CEP85L: variants seen among roughly 807,000 people sequenced by gnomAD.
CEP85L encodes the protein centrosomal protein 85L, also known as centrosomal protein of 85 kDa-like.
CEP85L carries 60 observed loss-of-function variants against 100.3 expected under a neutral mutation model. The ratio of observed to expected loss-of-function variants is 0.60; its 90% CI spans 0.49 to 0.74. The LOEUF (loss-of-function observed/expected upper bound fraction) is 0.74. CEP85L is among the 30% of genes least tolerant of loss of function. CEP85L has a pLI of 0.00. For missense variants in CEP85L, 973 were observed against 936.2 expected (o/e 1.04, Z -0.51); for synonymous variants, 319 against 322.7 (o/e 0.99, Z 0.12).
At chr6:118,539,422 T>C (rs1188208544) in intron 3 of CEP85L, among the ~76,000 whole-genome samples, 2 of 152,212 alleles carry the variant, frequency 1.3e-5, no homozygotes, top group African/African-American at 2.4e-5. Context: ...TAGGTTTGTG[T>C]AAGTACACTC....
chr6:118,605,126 C>T (rs1189546153), intron 2 of CEP85L, among the ~76,000 whole-genome samples: 1 of 152,112 alleles, frequency 6.6e-6, no homozygotes, highest in East Asian at 1.9e-4. Flanking sequence ...GGAAAGCATG[C>T]GTTTCTGGGG....
intron 2 of CEP85L, among the ~76,000 whole-genome samples, chr6:118,625,350 T>C (rs970241033): frequency 4.6e-5 from 7 of 152,192 alleles, no homozygotes; most frequent in African/African-American, 1.7e-4. Flanking sequence ...AGTTGGAAAG[T>C]CTCCTTATAC....
intron 2 of CEP85L, among the ~76,000 whole-genome samples, chr6:118,584,830 C>T (rs925096035): frequency 3.9e-5 from 6 of 152,232 alleles, no homozygotes; most frequent in African/African-American, 1.4e-4. Flanking sequence ...TTGGGGGAGC[C>T]TTTGGCTAAC....
intron 3 of CEP85L, among the ~76,000 whole-genome samples, chr6:118,540,798 T>C (rs755066558): frequency 9.4e-5 from 14 of 148,552 alleles, no homozygotes; most frequent in Non-Finnish European, 1.8e-4. Flanking sequence ...AAATAAATAA[T>C]GCTTTCTGAC....
chr6:118,545,604 A>C (rs1334489014), intron 3 of CEP85L, among the ~76,000 whole-genome samples: 1 of 152,226 alleles, frequency 6.6e-6, no homozygotes, highest in Non-Finnish European at 1.5e-5. Flanking sequence ...AAAAAAAATT[A>C]GTAATACTTT....
intron 12 of CEP85L, among the ~76,000 whole-genome samples, chr6:118,467,005 G>C (rs911801678): frequency 2.6e-5 from 4 of 152,026 alleles, no homozygotes; most frequent in Admixed American, 2.0e-4. Context: ...GCCAGATGAA[G>C]GAAAAAGCAG....
chr6:118,547,889 T>A (rs1046754142), intron 3 of CEP85L, among the ~76,000 whole-genome samples: 1 of 152,126 alleles, frequency 6.6e-6, no homozygotes, highest in Non-Finnish European at 1.5e-5. Flanking sequence ...AAGACACGTA[T>A]TAAAGCAACA....
intron 10 of CEP85L, among the ~76,000 whole-genome samples, chr6:118,475,661 T>G (rs1187421062): frequency 6.6e-6 from 1 of 152,142 alleles, no homozygotes; most frequent in Non-Finnish European, 1.5e-5. Flanking sequence ...GTGACTTATA[T>G]CTTAATAAAA....
intron 2 of CEP85L, among the ~76,000 whole-genome samples, chr6:118,580,611 T>C (rs541389931): frequency 6.6e-6 from 1 of 152,284 alleles, no homozygotes; most frequent in Non-Finnish European, 1.5e-5. Context: ...TCAGCTTCCT[T>C]TCATGGGGAG....
chr6:118,474,789 GACAAA>G (rs1422461487), intron 10 of CEP85L, among the ~76,000 whole-genome samples: 17 of 152,190 alleles, frequency 1.1e-4, no homozygotes, highest in Non-Finnish European at 2.1e-4. Context: ...ACAGTGTGAT[GACAAA>G]GCCTTAGAGC....
chr6:118,601,869 T>C (rs1781806689), intron 2 of CEP85L, among the ~76,000 whole-genome samples: 1 of 152,174 alleles, frequency 6.6e-6, no homozygotes, highest in Admixed American at 6.5e-5. Flanking sequence ...GCCAGCTCCT[T>C]TACTGCAACA....
chr6:118,610,825 A>G (rs1336764012), intron 2 of CEP85L, among the ~76,000 whole-genome samples: 1 of 152,234 alleles, frequency 6.6e-6, no homozygotes, highest in Admixed American at 6.5e-5. Context: ...AAATGACAGC[A>G]GATTTGTCAT....
At chr6:118,590,640 G>A (rs1266898880) in intron 2 of CEP85L, among the ~76,000 whole-genome samples, 7 of 151,908 alleles carry the variant, frequency 4.6e-5, no homozygotes, top group Non-Finnish European at 7.4e-5. Flanking sequence ...TTCCACACTC[G>A]GAGTTCCCCC....
intron 3 of CEP85L, among the ~76,000 whole-genome samples, chr6:118,543,975 T>C (rs370280540): frequency 1.2e-4 from 19 of 152,244 alleles, no homozygotes; most frequent in African/African-American, 4.6e-4. Flanking sequence ...TATTTCACAA[T>C]CTGCATTTGG....
Position 118,483,712 on chromosome 6 carries a change from A to C in CEP85L, c.1584T>G (p.Ser528Arg), listed in dbSNP as rs1773964338. 1.8e-5 allele frequency: 29 copies of C among 1,610,102 alleles called. No individual in the cohort carries two copies. Among genetic ancestry groups the C allele is most frequent in the Non-Finnish European group, 2.5e-5 (29 of 1,178,822 alleles). Reference protein sequence around the residue: ...LPTLDDVQSQSLQLQILEEKN... With the variant: ...LPTLDDVQSQRLQLQILEEKN... Reference sequence around the variant, plus strand: ...GCATTTTATTTCATGTTACCTGTAGACTCTGACTCTGTACATCATCTAGAG... The same window carrying C: ...GCATTTTATTTCATGTTACCTGTAGCCTCTGACTCTGTACATCATCTAGAG... The change falls in exon 7 of 13, where the codon AGT (serine) becomes AGG (arginine). Residue 528 changes from serine to arginine, a missense_variant. By Grantham distance (110) the Ser-to-Arg change is moderately radical. Transcript: ENST00000368491.
chr6:118,626,580 C>T (rs530726044), intron 2 of CEP85L, among the ~76,000 whole-genome samples: 1 of 152,284 alleles, frequency 6.6e-6, no homozygotes, highest in Admixed American at 6.5e-5. Flanking sequence ...ATTCTTCCCG[C>T]CTCACGTATC....
At chr6:118,568,536 G>A (rs1366024923) in intron 2 of CEP85L, among the ~76,000 whole-genome samples, 1 of 152,204 alleles carries the variant, frequency 6.6e-6, no homozygotes, top group Admixed American at 6.5e-5. Context: ...TAAAGGTGAA[G>A]CAGAATTATA....
chr6:118,599,447 GAATA>G (rs1709411393), intron 2 of CEP85L, among the ~76,000 whole-genome samples: 1 of 151,984 alleles, frequency 6.6e-6, no homozygotes, highest in Admixed American at 6.6e-5. Context: ...ATAAATGATT[GAATA>G]AATAAATAAA....
chr6:118,516,342 T>C (rs1391691076), intron 4 of CEP85L, among the ~76,000 whole-genome samples: 1 of 152,218 alleles, frequency 6.6e-6, no homozygotes, highest in Non-Finnish European at 1.5e-5. Flanking sequence ...TCTTCCACAA[T>C]GGTTGAACTA....
Sources: allele counts gnomAD v4.1 joint callset (sites outside exome capture counted in the v4.1 genomes callset), GRCh38; gene constraint gnomAD v4.1.1; transcripts MANE v1.5; gene names NCBI Gene and HGNC (gene_info 2026-07-23, HGNC 2026-07-21).